MACROD1: variants seen among roughly 807,000 people sequenced by gnomAD.
MACROD1 encodes the protein mono-ADP ribosylhydrolase 1, also known as ADP-ribose glycohydrolase MACROD1.
In MACROD1, 31 loss-of-function variants were observed where a neutral mutation model predicts 41.4. That is an observed-to-expected ratio of 0.75 (90% CI 0.56 to 1.01). The LOEUF is 1.01. Ranked by LOEUF, MACROD1 falls within the 50% of genes least tolerant of loss-of-function variation. The pLI is 0.00. For missense variants in MACROD1, 473 were observed against 460.0 expected, an observed-to-expected ratio of 1.03 and a Z score of -0.26; for synonymous variants, 252 against 203.4, an observed-to-expected ratio of 1.24 and a Z score of -2.03.
intron 3 of MACROD1, among the ~76,000 whole-genome samples, chr11:64,081,492 G>T (rs776105305): frequency 6.6e-5 from 10 of 152,154 alleles, no homozygotes; most frequent in Non-Finnish European, 8.8e-5. Flanking sequence ...GACAAGCCCT[G>T]CCTGGTACGT....
At chr11:64,016,300 G>T (rs1943080788) in intron 3 of MACROD1, among the ~76,000 whole-genome samples, 1 of 152,244 alleles carries the variant, frequency 6.6e-6, no homozygotes, top group South Asian at 2.1e-4. Context: ...TGCGTCCGTG[G>T]TAACTGCCAG....
intron 3 of MACROD1, among the ~76,000 whole-genome samples, chr11:64,125,013 G>C (rs1040187133): frequency 6.6e-6 from 1 of 152,130 alleles, no homozygotes; most frequent in Non-Finnish European, 1.5e-5. Flanking sequence ...CTCCCCCGGA[G>C]ACCCCTGCCT....
chr11:64,021,625 G>C (rs1943153506), intron 3 of MACROD1, among the ~76,000 whole-genome samples: 1 of 152,090 alleles, frequency 6.6e-6, no homozygotes, highest in South Asian at 2.1e-4. Context: ...CCTGGCCTCA[G>C]CTGCCTGGAG....
At chr11:64,039,612 C>T (rs990019776) in intron 3 of MACROD1, among the ~76,000 whole-genome samples, 5 of 152,196 alleles carry the variant, frequency 3.3e-5, no homozygotes, top group South Asian at 2.1e-4. Flanking sequence ...TTGCCCTCCT[C>T]CCCCCGGACA....
At chr11:64,133,216 G>A (rs1011855918) in intron 3 of MACROD1, among the ~76,000 whole-genome samples, 1 of 152,212 alleles carries the variant, frequency 6.6e-6, no homozygotes, top group African/African-American at 2.4e-5. Flanking sequence ...GCAAGGACTG[G>A]GTCTTAATCA....
chr11:64,164,794 T>TG lies in MACROD1; in HGVS notation c.298+902dup, dbSNP rs574033894. ...CCAATTAGCCACTTCCCTGCACTTTTGAAAGGGGATCCAGCCGGGAAGAGT... is the reference window on the plus strand; with the variant it reads ...CCAATTAGCCACTTCCCTGCACTTTTGGAAAGGGGATCCAGCCGGGAAGAGT... On this transcript the variant is annotated intron_variant, in intron 1 of 10. Coordinates refer to ENST00000255681, the MANE Select transcript of MACROD1 (RefSeq NM_014067.4). Among the ~76,000 whole-genome samples the TG allele has an allele frequency of 2.8e-4, 42 of 149,826 alleles. No individual in the cohort carries two copies. In the East Asian group the frequency reaches 6.4e-3, roughly 23 times the overall value.
intron 3 of MACROD1, among the ~76,000 whole-genome samples, chr11:64,089,710 T>C (rs1023047231): frequency 6.6e-6 from 1 of 152,100 alleles, no homozygotes; most frequent in Admixed American, 6.5e-5. Context: ...GTGGGGCTCT[T>C]GAGGGAGGGT....
At chr11:64,073,101 G>A (rs1765265925) in intron 3 of MACROD1, among the ~76,000 whole-genome samples, 1 of 152,216 alleles carries the variant, frequency 6.6e-6, no homozygotes, top group Non-Finnish European at 1.5e-5. Flanking sequence ...CCAGACACAT[G>A]CAAAGAGGCT....
chr11:64,067,199 A>G lies in MACROD1; in HGVS notation c.518-51918T>C, dbSNP rs1418492738. The stretch of plus-strand genomic sequence containing the variant: ...CCTGTAGGCACATGCGGCTCCAAGG[A>G]GATGGCAGATGGGAGGGGTGGGGAG... On this transcript the variant is annotated intron_variant, in intron 3 of 10. Transcript: ENST00000255681. This position sits in a 1 kb window ranked among gnomAD's most constrained non-coding sequence, Gnocchi z 4.6. Among the ~76,000 whole-genome samples the G allele has an allele frequency of 6.6e-6, 1 of 151,994 alleles. No homozygotes were observed. Among genetic ancestry groups the G allele is most frequent in the Non-Finnish European group, 1.5e-5 (1 of 67,984 alleles).
At chr11:64,140,764 G>T (rs932834891) in intron 3 of MACROD1, among the ~76,000 whole-genome samples, 6 of 152,238 alleles carry the variant, frequency 3.9e-5, no homozygotes, top group Non-Finnish European at 8.8e-5. Context: ...GAGAGGTTAA[G>T]TGATTTGCCC....
Position 64,165,919 on chromosome 11 carries a change from G to A in MACROD1, c.76C>T (p.Pro26Ser). 1.5e-6 allele frequency: 2 copies of A among 1,330,562 alleles called. No homozygotes were observed. Among genetic ancestry groups the A allele is most frequent in the Non-Finnish European group, 9.5e-7 (1 of 1,047,368 alleles). The allele number at this position is 1,330,562 out of a possible 1,614,324, so 82.4% of individuals were successfully genotyped here. A position where few individuals can be genotyped will look rare whatever the true frequency, so the allele number is the denominator to read the frequency against. The change falls in exon 1 of 11, where the codon CCC (proline) becomes TCC (serine). Residue 26 changes from proline (P) to serine (S), a missense_variant. By Grantham distance (74) the Pro-to-Ser change is moderately conservative. Coordinates refer to ENST00000255681, the MANE Select transcript of MACROD1 (RefSeq NM_014067.4). ...GCACCCGCCAAGTGTCCGGGCCGGGGGCGCGGGGGGACGAGCAGCTGCCCC... is the reference window on the plus strand; with the variant it reads ...GCACCCGCCAAGTGTCCGGGCCGGGAGCGCGGGGGGACGAGCAGCTGCCCC... ...AAGQLLVPPR[P>S]RPGHLAGATR... is the part of the protein sequence containing the mutation.
At chr11:64,009,415 G>A (rs1215759134) in intron 4 of MACROD1, among the ~76,000 whole-genome samples, 1 of 152,156 alleles carries the variant, frequency 6.6e-6, no homozygotes, top group Non-Finnish European at 1.5e-5. Context: ...CGTCCATCCT[G>A]CTCTACCTGC....
chr11:64,021,873 C>T (rs918496822), intron 3 of MACROD1, among the ~76,000 whole-genome samples: 1 of 148,128 alleles, frequency 6.8e-6, no homozygotes, highest in Non-Finnish European at 1.5e-5. Flanking sequence ...AATCAACTTG[C>T]ACAAGAATCC....
Position 64,096,810 on chromosome 11 carries a change from G to A in MACROD1, c.517+54429C>T, listed in dbSNP as rs531708933. Among the ~76,000 whole-genome samples the A allele has an allele frequency of 6.6e-5, 10 of 152,200 alleles. No individual in the cohort carries two copies. Among genetic ancestry groups the A allele is most frequent in the Non-Finnish European group, 1.3e-4 (9 of 68,032 alleles). ...GGGGAAGAGGGCAGGCCTGTGGGGG[G>A]CTGCCGTGTCCCCATACCCTCCAAG... On this transcript the variant is annotated intron_variant, in intron 3 of 10. Transcript: ENST00000255681. This position sits in a 1 kb window ranked among gnomAD's most constrained non-coding sequence, Gnocchi z 4.6.
chr11:64,006,911 C>T (rs1039246507), intron 4 of MACROD1, among the ~76,000 whole-genome samples: 3 of 152,132 alleles, frequency 2.0e-5, no homozygotes, highest in East Asian at 1.9e-4. Flanking sequence ...GTGGCCATGT[C>T]GTAAGTACTG....
rs769121812 is a variant in MACROD1 at position 64,152,362 on chromosome 11, C to A, written c.330G>T (p.Arg110=). The A allele has an allele frequency of 6.2e-7, 1 of 1,614,252 alleles. No homozygotes were observed. The highest frequency in any genetic ancestry group is 1.1e-5 in the South Asian group (1 of 91,088). Residue 110 remains arginine, a synonymous_variant, in exon 2 of 11, where the codon CGG becomes CGT. Transcript: ENST00000255681. ...AGTCCTTGCAGAAGTAATGTTCCTC[C>A]CGCTGCTTGTCACTCAGGCCCTTCA... ...SFLKGLSDKQ[R]EEHYFCKDFV...
intron 3 of MACROD1, among the ~76,000 whole-genome samples, chr11:64,133,176 C>T (rs1334588487): frequency 2.6e-5 from 4 of 152,218 alleles, no homozygotes; most frequent in Non-Finnish European, 5.9e-5. Context: ...AGCCCCCACG[C>T]TATGCCCCTG....
intron 4 of MACROD1, among the ~76,000 whole-genome samples, chr11:64,014,358 A>T (rs1430973328): frequency 2.0e-5 from 3 of 151,038 alleles, no homozygotes; most frequent in African/African-American, 7.3e-5. Flanking sequence ...CCACAAACAG[A>T]CCCCCATTCT....
chr11:64,097,129 T>C (rs1944590770), intron 3 of MACROD1, among the ~76,000 whole-genome samples: 1 of 152,222 alleles, frequency 6.6e-6, no homozygotes, highest in Non-Finnish European at 1.5e-5. Context: ...TCAGCTGCAC[T>C]GTGAGGACGG....
Sources: allele counts gnomAD v4.1 joint callset (sites outside exome capture counted in the v4.1 genomes callset), GRCh38; gene constraint gnomAD v4.1.1; non-coding constraint Gnocchi (gnomAD v3.1); transcripts MANE v1.5; gene names NCBI Gene and HGNC (gene_info 2026-07-23, HGNC 2026-07-21).